ATP1B1: variants seen among roughly 807,000 people sequenced by gnomAD.
ATP1B1 encodes the protein sodium/potassium-transporting ATPase subunit beta-1.
In ATP1B1, 3 loss-of-function variants were observed where a neutral mutation model predicts 39.6. That is an observed-to-expected ratio of 0.08 (90% CI 0.03 to 0.20). The LOEUF (loss-of-function observed/expected upper bound fraction) is 0.20, where lower values mean the gene tolerates loss of function less well. Ranked by LOEUF, ATP1B1 falls within the 10% of genes least tolerant of loss-of-function variation. The pLI, the probability that ATP1B1 is intolerant of heterozygous loss-of-function variation, is 1.00. For synonymous variants in ATP1B1, 139 were observed against 135.0 expected (o/e 1.03, Z -0.20); for missense variants, 216 against 371.1 (o/e 0.58, Z 3.43).
chr1:169,115,819 A>C (rs1657832886), intron 2 of ATP1B1, among the ~76,000 whole-genome samples: 1 of 152,260 alleles, frequency 6.6e-6, no homozygotes, highest in South Asian at 2.1e-4. Flanking sequence ...ATGTTTTTAA[A>C]AATTTTAAAG....
At chr1:169,118,017 A>G (rs1351553711) in intron 2 of ATP1B1, among the ~76,000 whole-genome samples, 2 of 152,232 alleles carry the variant, frequency 1.3e-5, no homozygotes, top group Non-Finnish European at 2.9e-5. Context: ...ACTAGGATTT[A>G]TCTATTTGTT....
rs1657608257 is a variant in ATP1B1 at position 169,107,022 on chromosome 1, G to T, written c.97+96G>T. Reference sequence around the variant, plus strand: ...GTCCGCGGCCGGTTCCGCACCCACCGCGCTGGCCGGGGTGGCGGGGGCGAG... The same window carrying T: ...GTCCGCGGCCGGTTCCGCACCCACCTCGCTGGCCGGGGTGGCGGGGGCGAG... On this transcript the variant is annotated intron_variant, in intron 1 of 5. Coordinates refer to ENST00000367815, the MANE Select transcript of ATP1B1 (RefSeq NM_001677.4). 17 of 1,221,508 alleles carry T rather than the reference G, an allele frequency of 1.4e-5. No individual in the cohort carries two copies. In the South Asian group the frequency reaches 2.4e-4, roughly 18 times the overall value. The allele number at this position is 1,221,508 out of a possible 1,614,324, so 75.7% of individuals were successfully genotyped here.
chr1:169,115,133 C>T (rs1430779792), intron 2 of ATP1B1, among the ~76,000 whole-genome samples: 3 of 141,414 alleles, frequency 2.1e-5, no homozygotes, highest in African/African-American at 5.3e-5. Context: ...TGCAGTGAGC[C>T]GAAATTGTGC....
intron 4 of ATP1B1, among the ~76,000 whole-genome samples, chr1:169,129,340 G>A (rs116687303): frequency 1.3e-5 from 2 of 152,212 alleles, no homozygotes; most frequent in Non-Finnish European, 2.9e-5. Context: ...GGGTGTAGAA[G>A]AGGAGGCTCT....
At chr1:169,110,427 G>A (rs577001957) in intron 1 of ATP1B1, among the ~76,000 whole-genome samples, 5 of 152,194 alleles carry the variant, frequency 3.3e-5, no homozygotes, top group East Asian at 1.9e-4. Context: ...TCCCTGTTTT[G>A]CATTCACATT....
chr1:169,125,921 G>A (rs1658075696), intron 3 of ATP1B1, among the ~76,000 whole-genome samples: 1 of 152,160 alleles, frequency 6.6e-6, no homozygotes, highest in African/African-American at 2.4e-5. Flanking sequence ...GCTGCAATAA[G>A]CCATGATCAC....
At chr1:169,123,578 T>G (rs1658027826) in intron 2 of ATP1B1, among the ~76,000 whole-genome samples, 2 of 101,444 alleles carry the variant, frequency 2.0e-5, no homozygotes, top group African/African-American at 6.6e-5. Context: ...AAACTATATC[T>G]CTCTCTCTAT....
At chr1:169,110,816 A>G in intron 1 of ATP1B1, 1 of 571,044 alleles carries the variant, frequency 1.8e-6, no homozygotes, top group Non-Finnish European at 2.6e-6. Context: ...ATAGTAAAAA[A>G]AACAGGAGGA....
chr1:169,114,238 GACAA>G (rs1657792494), intron 2 of ATP1B1, among the ~76,000 whole-genome samples: 1 of 147,714 alleles, frequency 6.8e-6, no homozygotes, highest in Admixed American at 6.7e-5. Context: ...TAAGTATGCA[GACAA>G]ACAGTGTGTT....
At chr1:169,127,712 T>C (rs1415209089) in intron 4 of ATP1B1, among the ~76,000 whole-genome samples, 1 of 152,028 alleles carries the variant, frequency 6.6e-6, no homozygotes, top group African/African-American at 2.4e-5. Context: ...ATAAACTCTT[T>C]AAAAAAGTAA....
chr1:169,107,173 G>A (rs531788766), intron 1 of ATP1B1, among the ~76,000 whole-genome samples: 15 of 152,192 alleles, frequency 9.9e-5, no homozygotes, highest in Non-Finnish European at 2.2e-4. Context: ...ATATCGTAGC[G>A]ATCTTGGCTT....
At chr1:169,130,698 G>A (rs574117826) in intron 5 of ATP1B1, among the ~76,000 whole-genome samples, 3 of 147,842 alleles carry the variant, frequency 2.0e-5, no homozygotes, top group Non-Finnish European at 3.0e-5. Context: ...CAGGAGAATC[G>A]CTTGGACCTG....
At chr1:169,122,828 C>T (rs755509354) in intron 2 of ATP1B1, among the ~76,000 whole-genome samples, 10 of 146,726 alleles carry the variant, frequency 6.8e-5, no homozygotes, top group African/African-American at 2.3e-4. Flanking sequence ...TGGGCTCAAG[C>T]GATCCTTCCA....
intron 2 of ATP1B1, among the ~76,000 whole-genome samples, chr1:169,120,846 ACT>A (rs1383094718): frequency 6.6e-6 from 1 of 151,838 alleles, no homozygotes; most frequent in African/African-American, 2.4e-5. Context: ...TGTGTATATA[ACT>A]CTCTTCTGGG....
In ATP1B1 at chr1:169,111,361, T is replaced by C; in HGVS notation, c.98-9T>C. 6.2e-7 allele frequency: 1 copy of C among 1,614,076 alleles called. No individual in the cohort carries two copies. On this transcript the variant is annotated splice_polypyrimidine_tract_variant and intron_variant, in intron 1 of 5. Transcript: ENST00000367815. ...GCATCACAGCTTTTTGTTTCTGTTC[T>C]TCTTGCAGTTAAGATCCTTCTATTC...
At chr1:169,123,585 C>CTCTA (rs1463157930) in intron 2 of ATP1B1, among the ~76,000 whole-genome samples, 2,170 of 137,898 alleles carry the variant, frequency 0.016, 45 homozygotes, top group African/African-American at 0.052. Flanking sequence ...ATCTCTCTCT[C>CTCTA]TATATATATA....
rs527317760 is a variant in ATP1B1 at position 169,119,719 on chromosome 1, A to G, written c.227-5165A>G. On this transcript the variant is annotated intron_variant, in intron 2 of 5. Transcript: ENST00000367815. ...TTTAGGATGGGGTTATGTTCTAGTAACCCATTGTAAGTCGAAAATACTGTG... is the reference window on the plus strand; with the variant it reads ...TTTAGGATGGGGTTATGTTCTAGTAGCCCATTGTAAGTCGAAAATACTGTG... 3.3e-5 allele frequency among the ~76,000 whole-genome samples: 5 copies of G among 152,194 alleles called. No individual in the cohort carries two copies. In the South Asian group the frequency reaches 1.0e-3, roughly 32 times the overall value.
chr1:169,114,223 C>T (rs61803312), intron 2 of ATP1B1, among the ~76,000 whole-genome samples: 5,263 of 137,620 alleles, frequency 0.038, 144 homozygotes, highest in South Asian at 0.13. Context: ...TAGGAAATAA[C>T]TCCTTAAGTA....
At chr1:169,125,953 C>T (rs1394815534) in intron 3 of ATP1B1, among the ~76,000 whole-genome samples, 3 of 152,128 alleles carry the variant, frequency 2.0e-5, no homozygotes, top group Admixed American at 2.0e-4. Context: ...CCAGCCTGGG[C>T]ACCAGTGTGA....
Sources: gnomAD v4.1 joint callset for allele counts (sites outside exome capture counted in the v4.1 genomes callset) on GRCh38, gnomAD v4.1.1 for gene constraint, MANE v1.5 for transcripts, NCBI Gene and HGNC (gene_info 2026-07-23, HGNC 2026-07-21) for gene names.